Variants in GRIK2 observed in about 807,000 individuals in gnomAD.
The protein encoded by GRIK2 is glutamate receptor ionotropic, kainate 2.
In GRIK2, 32 loss-of-function variants were observed where a neutral mutation model predicts 100.3. That is an observed-to-expected ratio of 0.32 (90% CI 0.24 to 0.43). GRIK2 has a LOEUF of 0.43. Among genes scored for constraint, GRIK2 ranks in the 20% least tolerant of loss-of-function variants. The pLI, the probability that GRIK2 is intolerant of heterozygous loss-of-function variation, is 1.00. For synonymous variants in GRIK2, 417 were observed against 389.4 expected, an observed-to-expected ratio of 1.07 and a Z score of -0.83; for missense variants, 843 against 1,114.9, an observed-to-expected ratio of 0.76 and a Z score of 3.47.
intron 10 of GRIK2, among the ~76,000 whole-genome samples, chr6:101,823,551 T>G (rs1782101389): frequency 6.6e-6 from 1 of 152,156 alleles, no homozygotes; most frequent in African/African-American, 2.4e-5. Context: ...TGTTTATCGT[T>G]ATTAATGGAA....
chr6:101,871,120 A>G (rs772074035), intron 11 of GRIK2, among the ~76,000 whole-genome samples: 4 of 151,890 alleles, frequency 2.6e-5, no homozygotes, highest in Non-Finnish European at 5.9e-5. Context: ...ATAAAAGTAT[A>G]ATCAATATAA....
chr6:101,724,423 C>T (rs1774717337), intron 7 of GRIK2, among the ~76,000 whole-genome samples: 1 of 151,880 alleles, frequency 6.6e-6, no homozygotes, highest in Non-Finnish European at 1.5e-5. Flanking sequence ...TTAACTCCCA[C>T]TTATAAGTGA....
At chr6:101,905,042 T>C (rs1041019462) in intron 12 of GRIK2, among the ~76,000 whole-genome samples, 8 of 151,600 alleles carry the variant, frequency 5.3e-5, no homozygotes, top group African/African-American at 1.9e-4. Flanking sequence ...ATGACAATTA[T>C]TAATGTTCTA....
intron 7 of GRIK2, among the ~76,000 whole-genome samples, chr6:101,761,927 TGTTTC>T (rs1311335167): frequency 9.1e-6 from 1 of 109,568 alleles, no homozygotes; most frequent in Non-Finnish European, 1.7e-5. Flanking sequence ...TTCCTTTGTT[TGTTTC>T]TTTTCCTTCC....
chr6:101,435,066 T>C (rs1304996173), intron 2 of GRIK2, among the ~76,000 whole-genome samples: 3 of 152,152 alleles, frequency 2.0e-5, no homozygotes, highest in Non-Finnish European at 4.4e-5. Flanking sequence ...ATTTTTTTCT[T>C]TTCCATTGAC....
At chr6:101,535,424 G>T (rs1279263903) in intron 2 of GRIK2, among the ~76,000 whole-genome samples, 1 of 151,726 alleles carries the variant, frequency 6.6e-6, no homozygotes, top group African/African-American at 2.4e-5. Context: ...TCCTGTCCAT[G>T]TTAGATAACT....
At chr6:101,972,248 G>A (rs181991253) in intron 14 of GRIK2, among the ~76,000 whole-genome samples, 2 of 151,656 alleles carry the variant, frequency 1.3e-5, no homozygotes, top group Admixed American at 6.6e-5. Flanking sequence ...TATTTCTCCC[G>A]AGCCTCACCA....
At chr6:101,532,591 G>C (rs998792805) in intron 2 of GRIK2, among the ~76,000 whole-genome samples, 2 of 150,026 alleles carry the variant, frequency 1.3e-5, no homozygotes, top group Admixed American at 6.7e-5. Context: ...TTTTAGGAAA[G>C]AGCTGGGAAT....
intron 9 of GRIK2, among the ~76,000 whole-genome samples, chr6:101,812,261 T>C (rs1781379124): frequency 6.6e-6 from 1 of 151,742 alleles, no homozygotes; most frequent in South Asian, 2.1e-4. Flanking sequence ...ACCAAAAAAG[T>C]CTGAAAGTTT....
intron 4 of GRIK2, among the ~76,000 whole-genome samples, chr6:101,650,949 A>G (rs1262840581): frequency 5.3e-5 from 8 of 151,904 alleles, no homozygotes; most frequent in Admixed American, 5.2e-4. Context: ...TTCTGCAGAC[A>G]AAGAAGAAAG....
intron 12 of GRIK2, among the ~76,000 whole-genome samples, chr6:101,922,665 C>A (rs186768569): frequency 6.6e-6 from 1 of 152,216 alleles, no homozygotes; most frequent in Non-Finnish European, 1.5e-5. Context: ...TTAGGTCTTC[C>A]TATTTTTCTC....
chr6:101,429,061 A>G (rs1374504364), intron 2 of GRIK2, among the ~76,000 whole-genome samples: 1 of 152,328 alleles, frequency 6.6e-6, no homozygotes, highest in South Asian at 2.1e-4. Flanking sequence ...CTTACTAAAC[A>G]TTGTGTGTTT....
At chr6:102,039,142 C>T (rs1055335347) in intron 15 of GRIK2, among the ~76,000 whole-genome samples, 1 of 151,462 alleles carries the variant, frequency 6.6e-6, no homozygotes, top group African/African-American at 2.4e-5. Flanking sequence ...CCATTCATCA[C>T]TCTGAGTGTG....
At chr6:101,761,350 C>A (rs1777650281) in intron 7 of GRIK2, among the ~76,000 whole-genome samples, 1 of 152,012 alleles carries the variant, frequency 6.6e-6, no homozygotes, top group South Asian at 2.1e-4. Flanking sequence ...TTAGTCATTT[C>A]TTCTTTTTTT....
chr6:102,047,759 G>GA lies in GRIK2; in HGVS notation c.2312-7561dup, dbSNP rs570902275. Among the ~76,000 whole-genome samples the GA allele has an allele frequency of 7.1e-3, 1,024 of 144,894 alleles. 5 individuals carry two copies. The highest frequency in any genetic ancestry group is 9.5e-3 in the Non-Finnish European group (625 of 65,698). ...GCAAGACTCCATCTCAAAGAAAAAA[G>GA]AAAAAAAAAATATTTCTTCCTACCC... On this transcript the variant is annotated intron_variant, in intron 15 of 16. Coordinates refer to ENST00000369134, the MANE Select transcript of GRIK2 (RefSeq NM_021956.5).
At chr6:101,506,763 G>A (rs1240911968) in intron 2 of GRIK2, among the ~76,000 whole-genome samples, 1 of 152,074 alleles carries the variant, frequency 6.6e-6, no homozygotes, top group East Asian at 1.9e-4. Flanking sequence ...TGCATATTTT[G>A]TGGGATCTGT....
chr6:101,472,223 A>G (rs1030864036), intron 2 of GRIK2, among the ~76,000 whole-genome samples: 6 of 151,782 alleles, frequency 4.0e-5, no homozygotes, highest in African/African-American at 1.4e-4. Flanking sequence ...CTTTTGGGAT[A>G]GCTTTCTTTT....
chr6:101,858,462 G>C (rs554388985), intron 10 of GRIK2, among the ~76,000 whole-genome samples: 26 of 144,114 alleles, frequency 1.8e-4, no homozygotes, highest in Non-Finnish European at 2.8e-4. Flanking sequence ...TCTTGGCTCA[G>C]TGCAAGCTCC....
At position 102,000,365 on chromosome 6, in the gene GRIK2, C is replaced by G. The variant is rs564165049; in HGVS notation, c.2086-34976C>G. On this transcript the variant is annotated intron_variant, in intron 14 of 16. Coordinates refer to ENST00000369134, the MANE Select transcript of GRIK2 (RefSeq NM_021956.5). ...GAAGCTGAAGTTTAGGGTAATGGTCCTATCACCTGGGTAGTGAGCATAGTA... is the reference window on the plus strand; with the variant it reads ...GAAGCTGAAGTTTAGGGTAATGGTCGTATCACCTGGGTAGTGAGCATAGTA... 2.7e-5 allele frequency among the ~76,000 whole-genome samples: 4 copies of G among 149,588 alleles called. No homozygotes were observed. The Admixed American group carries it at 2.7e-4, about 10-fold the overall frequency.
Sources: allele counts gnomAD v4.1 joint callset (sites outside exome capture counted in the v4.1 genomes callset), GRCh38; gene constraint gnomAD v4.1.1; transcripts MANE v1.5; gene names NCBI Gene and HGNC (gene_info 2026-07-23, HGNC 2026-07-21).